CRPPA: variants seen among roughly 807,000 people sequenced by gnomAD.
CRPPA encodes the protein D-ribitol-5-phosphate cytidylyltransferase.
Under a neutral mutation model 52.0 loss-of-function variants are expected in CRPPA, and 43 were observed. The ratio of observed to expected loss-of-function variants is 0.83; its 90% CI spans 0.65 to 1.07. The LOEUF is 1.07. Among genes scored for constraint, CRPPA ranks in the 50% least tolerant of loss-of-function variants. The pLI is 0.00. For synonymous variants in CRPPA, 250 were observed against 203.5 expected (o/e 1.23, Z -1.94); for missense variants, 629 against 551.7 (o/e 1.14, Z -1.40).
chr7:16,150,897 A>G (rs796686375), intron 9 of CRPPA, among the ~76,000 whole-genome samples: 4 of 152,266 alleles, frequency 2.6e-5, no homozygotes, highest in African/African-American at 9.6e-5. Context: ...CTCCCATGAT[A>G]ATAAACCCTC....
intron 2 of CRPPA, among the ~76,000 whole-genome samples, chr7:16,389,507 T>G (rs1456119260): frequency 6.6e-6 from 1 of 151,896 alleles, no homozygotes; most frequent in Non-Finnish European, 1.5e-5. Flanking sequence ...AGGACAAACA[T>G]ATGAACATGT....
chr7:16,140,769 A>G (rs1210566222), intron 9 of CRPPA, among the ~76,000 whole-genome samples: 1 of 152,214 alleles, frequency 6.6e-6, no homozygotes, highest in Non-Finnish European at 1.5e-5. Context: ...CCAGTAGTCC[A>G]GAATGATATT....
intron 9 of CRPPA, among the ~76,000 whole-genome samples, chr7:16,194,767 T>C (rs1242577094): frequency 6.6e-6 from 1 of 151,866 alleles, no homozygotes; most frequent in Non-Finnish European, 1.5e-5. Flanking sequence ...AGTAGTAGGA[T>C]CTATATTAAT....
intron 6 of CRPPA, among the ~76,000 whole-genome samples, chr7:16,273,598 T>C (rs1488315092): frequency 7.9e-5 from 12 of 151,880 alleles, no homozygotes; most frequent in Admixed American, 5.9e-4. Context: ...CGTCAGTAAA[T>C]CCTCCACATT....
At chr7:16,405,992 C>A in intron 2 of CRPPA, 69 bp downstream of exon 2, 1 of 1,396,572 alleles carries the variant, frequency 7.2e-7, no homozygotes, top group South Asian at 1.3e-5. Flanking sequence ...AGAATTGAAT[C>A]AAAATTCAGC....
intron 1 of CRPPA, among the ~76,000 whole-genome samples, chr7:16,419,441 T>C (rs185852094): frequency 1.3e-3 from 198 of 152,250 alleles, no homozygotes; most frequent in African/African-American, 4.5e-3. Context: ...AATAGCCCTT[T>C]CCCAAAAAGA....
intron 8 of CRPPA, chr7:16,216,487 C>G: frequency 3.7e-6 from 1 of 269,660 alleles, no homozygotes; most frequent in South Asian, 4.2e-5. Context: ...CCAGCGTGAG[C>G]GACGCAGAAG....
intron 8 of CRPPA, among the ~76,000 whole-genome samples, chr7:16,250,012 A>C (rs1783400380): frequency 6.6e-6 from 1 of 152,222 alleles, no homozygotes. Flanking sequence ...GCTAACTAGA[A>C]TAACCAGTGT....
intron 9 of CRPPA, among the ~76,000 whole-genome samples, chr7:16,157,183 ATTTTT>A (rs71007748): frequency 7.0e-6 from 1 of 142,608 alleles, no homozygotes. Context: ...AAATGCTGCA[ATTTTT>A]TTTTTTTTTT....
At chr7:16,107,743 CCTAGTATGAGGGTTTTATA>C (rs1437650539) in intron 9 of CRPPA, among the ~76,000 whole-genome samples, 1 of 151,694 alleles carries the variant, frequency 6.6e-6, no homozygotes, top group East Asian at 1.9e-4. Flanking sequence ...GATGGTAAGA[CCTAGTATGAGGGTTTTATA>C]CTAGTATGAG....
At position 16,167,205 on chromosome 7, in the gene CRPPA, C is replaced by A. The variant is rs540567846; in HGVS notation, c.1251+48861G>T. Among the ~76,000 whole-genome samples, 154 of 152,274 alleles carry A rather than the reference C, an allele frequency of 1.0e-3. 1 individual carries two copies. The highest frequency in any genetic ancestry group is 3.4e-3 in the African/African-American group (141 of 41,550). On this transcript the variant is annotated intron_variant, in intron 9 of 9. Coordinates refer to ENST00000407010, the MANE Select transcript of CRPPA (RefSeq NM_001101426.4). ...CCTCTCAGAGTGCTGGGATTACAGG[C>A]GTGAGCCACCGCGCCCAGCCTTTCC...
Position 16,089,456 on chromosome 7 carries a change from T to C in CRPPA, c.*2239A>G, listed in dbSNP as rs886062156. Reference sequence around the variant, plus strand: ...GTGTATATATGTACGTGCATACATATATGTGTATATATGTACGTACATATA... The same window carrying C: ...GTGTATATATGTACGTGCATACATACATGTGTATATATGTACGTACATATA... On this transcript the variant is annotated 3_prime_UTR_variant, in exon 10 of 10. Coordinates refer to ENST00000407010, the MANE Select transcript of CRPPA (RefSeq NM_001101426.4). 12 of 329,280 alleles carry C rather than the reference T, an allele frequency of 3.6e-5. No homozygotes were observed. The highest frequency in any genetic ancestry group is 7.9e-5 in the Admixed American group (3 of 37,762). The allele number at this position is 329,280 out of a possible 1,614,324, so 20.4% of individuals were successfully genotyped here. A position where few individuals can be genotyped will look rare whatever the true frequency, so the allele number is the denominator to read the frequency against.
chr7:16,330,291 G>T (rs1465470563), intron 3 of CRPPA, among the ~76,000 whole-genome samples: 2 of 152,172 alleles, frequency 1.3e-5, no homozygotes, highest in Admixed American at 1.3e-4. Context: ...CCATTCTCCA[G>T]AAGAATATTT....
At chr7:16,236,969 C>CAT (rs1229494038) in intron 8 of CRPPA, among the ~76,000 whole-genome samples, 1 of 151,858 alleles carries the variant, frequency 6.6e-6, no homozygotes, top group Non-Finnish European at 1.5e-5. Context: ...CACACACACA[C>CAT]ACAAACTTTT....
intron 8 of CRPPA, among the ~76,000 whole-genome samples, chr7:16,231,977 G>T (rs1046847797): frequency 1.3e-5 from 2 of 152,148 alleles, no homozygotes; most frequent in South Asian, 4.1e-4. Context: ...GAGAGATGAA[G>T]TTAAGAATCT....
intron 9 of CRPPA, among the ~76,000 whole-genome samples, chr7:16,152,843 A>G (rs1783103813): frequency 6.6e-6 from 1 of 151,986 alleles, no homozygotes; most frequent in Non-Finnish European, 1.5e-5. Context: ...AGTTCTCAAA[A>G]TATCTTAAGA....
At chr7:16,413,029 C>T (rs557902627) in intron 1 of CRPPA, among the ~76,000 whole-genome samples, 34 of 152,246 alleles carry the variant, frequency 2.2e-4, no homozygotes, top group African/African-American at 7.7e-4. Flanking sequence ...CTCTGAAAGC[C>T]CTCTCATCTA....
intron 2 of CRPPA, among the ~76,000 whole-genome samples, chr7:16,400,781 CATGCCCAACAT>C (rs1787796197): frequency 6.6e-6 from 1 of 152,368 alleles, no homozygotes; most frequent in South Asian, 2.1e-4. Flanking sequence ...GACGTGGACA[CATGCCCAACAT>C]ATGCCCAACA....
At chr7:16,397,971 G>A (rs1160655046) in intron 2 of CRPPA, among the ~76,000 whole-genome samples, 1 of 152,208 alleles carries the variant, frequency 6.6e-6, no homozygotes, top group Non-Finnish European at 1.5e-5. Context: ...TGACTTACAT[G>A]CCATTGACCT....
Sources: allele counts gnomAD v4.1 joint callset (sites outside exome capture counted in the v4.1 genomes callset), GRCh38; gene constraint gnomAD v4.1.1; transcripts MANE v1.5; gene names NCBI Gene and HGNC (gene_info 2026-07-23, HGNC 2026-07-21).